SIDT1: variants seen among roughly 807,000 people sequenced by gnomAD.
SIDT1 encodes the protein SID1 transmembrane family member 1.
SIDT1 carries 101 observed loss-of-function variants against 107.5 expected under a neutral mutation model. That is an observed-to-expected ratio of 0.94 (90% CI 0.80 to 1.11). SIDT1 has a LOEUF of 1.11. SIDT1 is among the 50% of genes least tolerant of loss of function. The pLI is 0.00. For synonymous variants in SIDT1, 395 were observed against 398.2 expected (o/e 0.99, Z 0.10); for missense variants, 1,076 against 1,058.2 (o/e 1.02, Z -0.23).
chr3:113,539,454 TAG>T (rs760553451), intron 1 of SIDT1, among the ~76,000 whole-genome samples: 11 of 152,168 alleles, frequency 7.2e-5, no homozygotes, highest in Non-Finnish European at 1.5e-4. Context: ...CTTGGAGCAA[TAG>T]AGTTTTTAGA....
chr3:113,568,593 CAAAAA>C lies in SIDT1; in HGVS notation c.515+891_515+895del, dbSNP rs769569991. ...TGGGCAACACAGCAAGACTCTGTCT[CAAAAA>C]AAAAAAAGAAAAGAAAAGAAAAGAA... On this transcript the variant is annotated intron_variant, in intron 3 of 24. Transcript: ENST00000264852. Among the ~76,000 whole-genome samples, 12 of 90,650 alleles carry C rather than the reference CAAAAA, an allele frequency of 1.3e-4. No individual in the cohort carries two copies. In the East Asian group the frequency reaches 3.5e-3, roughly 27 times the overall value. 59.5% of individuals were successfully genotyped at this position (90,650 alleles called of 152,430 possible). A position where few individuals can be genotyped will look rare whatever the true frequency, so the allele number is the denominator to read the frequency against.
At chr3:113,610,940 T>C in intron 17 of SIDT1, 68 bp from the exon 18 acceptor site, 1 of 1,556,902 alleles carries the variant, frequency 6.4e-7, no homozygotes, top group South Asian at 1.2e-5. Flanking sequence ...TGAAGAAAAA[T>C]CTAGAAAATA....
At chr3:113,563,042 C>T (rs1351364381) in intron 1 of SIDT1, among the ~76,000 whole-genome samples, 3 of 152,102 alleles carry the variant, frequency 2.0e-5, no homozygotes, top group African/African-American at 7.2e-5. Flanking sequence ...GGAAGACTTC[C>T]CAAAGGAAGA....
At chr3:113,538,868 G>A (rs894324174) in intron 1 of SIDT1, among the ~76,000 whole-genome samples, 8 of 152,170 alleles carry the variant, frequency 5.3e-5, no homozygotes, top group African/African-American at 1.7e-4. Context: ...GCAAGACTAC[G>A]TCAAAGGTGG....
chr3:113,572,173 C>T (rs144576673), intron 3 of SIDT1, among the ~76,000 whole-genome samples: 56 of 152,046 alleles, frequency 3.7e-4, no homozygotes, highest in African/African-American at 1.3e-3. Flanking sequence ...GATGGTGGGG[C>T]CACTAAGAGA....
At chr3:113,533,513 T>G (rs572249163) in intron 1 of SIDT1, among the ~76,000 whole-genome samples, 4 of 152,268 alleles carry the variant, frequency 2.6e-5, no homozygotes, top group Non-Finnish European at 5.9e-5. Flanking sequence ...CGTCTGCGGG[T>G]CCTGGGTCCC....
At chr3:113,580,855 A>G (rs971447610) in intron 5 of SIDT1, 146 bp downstream of exon 5, 2 of 595,530 alleles carry the variant, frequency 3.4e-6, no homozygotes, top group Non-Finnish European at 6.0e-6. Context: ...ATCTGTGAGC[A>G]CGAGTGGGCA....
intron 19 of SIDT1, among the ~76,000 whole-genome samples, chr3:113,613,528 A>G (rs1048350683): frequency 7.2e-5 from 11 of 152,250 alleles, no homozygotes; most frequent in Non-Finnish European, 1.5e-4. Flanking sequence ...TTCTTTTGCC[A>G]TGGTCAGTAG....
intron 14 of SIDT1, chr3:113,606,613 A>G (rs1205824622): frequency 6.5e-6 from 1 of 153,806 alleles, no homozygotes; most frequent in Admixed American, 6.5e-5. Flanking sequence ...CTGAACACAC[A>G]TCTCCTCGTG....
At chr3:113,619,810 C>A in intron 21 of SIDT1, 84 bp downstream of exon 21, 1 of 1,268,894 alleles carries the variant, frequency 7.9e-7, no homozygotes, top group Non-Finnish European at 1.1e-6. Context: ...GTCATTTTTA[C>A]AAAGAAATCT....
chr3:113,579,502 A>T (rs79799818), intron 4 of SIDT1, among the ~76,000 whole-genome samples: 4,041 of 152,246 alleles, frequency 0.027, 98 homozygotes, highest in East Asian at 0.11. Context: ...CTCCAAAATT[A>T]AGTGGGTTCT....
At chr3:113,600,713 G>T (rs1173942506) in intron 10 of SIDT1, among the ~76,000 whole-genome samples, 1 of 152,214 alleles carries the variant, frequency 6.6e-6, no homozygotes, top group Non-Finnish European at 1.5e-5. Context: ...GTGCTCGAAA[G>T]ATTTGATCTC....
intron 1 of SIDT1, among the ~76,000 whole-genome samples, chr3:113,544,152 A>G (rs1341636568): frequency 6.6e-6 from 1 of 151,674 alleles, no homozygotes; most frequent in East Asian, 1.9e-4. Flanking sequence ...CACACATTGC[A>G]TTTAATTATC....
intron 19 of SIDT1, chr3:113,615,075 C>A: frequency 6.5e-7 from 1 of 1,535,596 alleles, no homozygotes; most frequent in Non-Finnish European, 8.7e-7. Context: ...GTGTCTGACA[C>A]AGGTAATGTT....
chr3:113,563,452 A>G (rs977831419), intron 1 of SIDT1, among the ~76,000 whole-genome samples: 19 of 152,224 alleles, frequency 1.2e-4, no homozygotes, highest in Non-Finnish European at 2.5e-4. Flanking sequence ...AAATTCAGGA[A>G]AAAGATTGAG....
At chr3:113,636,941 T>A in the SIDT1 span, among the ~76,000 whole-genome samples, 1 of 152,192 alleles carries the variant, frequency 6.6e-6, no homozygotes, top group African/African-American at 2.4e-5. Context: ...CCCTGTGAAG[T>A]ATGCAGGACA....
At chr3:113,601,038 G>A (rs1233161288) in intron 10 of SIDT1, among the ~76,000 whole-genome samples, 1 of 152,138 alleles carries the variant, frequency 6.6e-6, no homozygotes, top group Non-Finnish European at 1.5e-5. Flanking sequence ...GCCAGCTCTT[G>A]GCTAAACCAC....
chr3:113,580,618 A>T lies in SIDT1; in HGVS notation c.572A>T (p.Tyr191Phe), dbSNP rs758518132. The part of the protein sequence containing the change: ...ASPSQPQYFL[Y>F]KFPKDVDSVI... ...TTTTCTTATTCTCAGTATTTTCTAT[A>T]CAAGTTTCCCAAAGACGTGGACTCA... Residue 191 changes from tyrosine (Y) to phenylalanine (F), a missense_variant, in exon 5 of 25, where the codon TAC becomes TTC. Transcript: ENST00000264852. 1 of 1,598,522 alleles carries T rather than the reference A, an allele frequency of 6.3e-7. No homozygotes were observed. Among genetic ancestry groups the T allele is most frequent in the Non-Finnish European group, 8.6e-7 (1 of 1,165,996 alleles).
chr3:113,614,305 G>A (rs1007648979), intron 19 of SIDT1, among the ~76,000 whole-genome samples: 1 of 152,138 alleles, frequency 6.6e-6, no homozygotes, highest in Non-Finnish European at 1.5e-5. Context: ...ACACAGGCCC[G>A]CCTCCCCAGT....
Sources: gnomAD v4.1 joint callset for allele counts (sites outside exome capture counted in the v4.1 genomes callset) on GRCh38, gnomAD v4.1.1 for gene constraint, MANE v1.5 for transcripts, NCBI Gene and HGNC (gene_info 2026-07-23, HGNC 2026-07-21) for gene names.